The following MLLT3 variants were observed in gnomAD, a reference collection of about 807,000 sequenced individuals.
MLLT3 encodes MLLT3 super elongation complex subunit.
In MLLT3, 4 loss-of-function variants were observed where a neutral mutation model predicts 53.2. The observed-to-expected ratio is 0.08, with a 90% CI of 0.04 to 0.17. The LOEUF (loss-of-function observed/expected upper bound fraction) is 0.17, where lower values mean the gene tolerates loss of function less well. MLLT3 is among the 10% of genes least tolerant of loss of function. The pLI is 1.00. For synonymous variants in MLLT3, 283 were observed against 230.6 expected (o/e 1.23, Z -2.06); for missense variants, 569 against 684.0 (o/e 0.83, Z 1.87).
At chr9:20,476,379 C>A (rs924926330) in intron 2 of MLLT3, among the ~76,000 whole-genome samples, 1 of 152,028 alleles carries the variant, frequency 6.6e-6, no homozygotes, top group Non-Finnish European at 1.5e-5. Flanking sequence ...TCACTTTAAT[C>A]GGGAGTTAAA....
intron 3 of MLLT3, among the ~76,000 whole-genome samples, chr9:20,451,612 C>T (rs1823840661): frequency 6.6e-6 from 1 of 152,152 alleles, no homozygotes; most frequent in African/African-American, 2.4e-5. Flanking sequence ...CAGACATCGA[C>T]ATTATGTCAG....
chr9:20,347,007 C>G (rs1169634991), intron 10 of MLLT3, among the ~76,000 whole-genome samples: 2 of 149,956 alleles, frequency 1.3e-5, no homozygotes, highest in African/African-American at 2.5e-5. Flanking sequence ...CACACACACA[C>G]CCCTATATAA....
intron 2 of MLLT3, among the ~76,000 whole-genome samples, chr9:20,586,161 A>C (rs1182485169): frequency 6.6e-6 from 1 of 152,054 alleles, no homozygotes; most frequent in Non-Finnish European, 1.5e-5. Flanking sequence ...TACAAAAAAA[A>C]TGTTTTAAAT....
rs540431228 is a variant in MLLT3, at chr9:20,600,993, C to T, written c.193+19661G>A. ...GGTCCCTAAGGCATTTCTAGGGTTTCTTTAAATAAAAAAAAAGTGTAGTCA... is the reference window on the plus strand; with the variant it reads ...GGTCCCTAAGGCATTTCTAGGGTTTTTTTAAATAAAAAAAAAGTGTAGTCA... On this transcript the variant is annotated intron_variant, in intron 2 of 10. Coordinates refer to ENST00000380338, the MANE Select transcript of MLLT3 (RefSeq NM_004529.4). Among the ~76,000 whole-genome samples the T allele has an allele frequency of 1.4e-3, 208 of 152,234 alleles. 2 individuals are homozygous for T. The highest frequency in any genetic ancestry group is 4.3e-3 in the African/African-American group (177 of 41,534).
At chr9:20,405,067 C>T (rs1370028174) in intron 5 of MLLT3, among the ~76,000 whole-genome samples, 1 of 152,072 alleles carries the variant, frequency 6.6e-6, no homozygotes, top group Non-Finnish European at 1.5e-5. Flanking sequence ...AGGTTGGAGC[C>T]CTCGTAGTAA....
chr9:20,369,197 T>A (rs1416363415), intron 5 of MLLT3, among the ~76,000 whole-genome samples: 1 of 152,078 alleles, frequency 6.6e-6, no homozygotes, highest in Non-Finnish European at 1.5e-5. Context: ...TCACAGAAAC[T>A]CAACAGAATT....
At chr9:20,375,969 G>C (rs552825554) in intron 5 of MLLT3, among the ~76,000 whole-genome samples, 3 of 152,250 alleles carry the variant, frequency 2.0e-5, no homozygotes, top group Admixed American at 1.3e-4. Flanking sequence ...TAATCCTCTT[G>C]AGACTGGCAT....
intron 2 of MLLT3, among the ~76,000 whole-genome samples, chr9:20,584,929 C>T (rs1339061297): frequency 6.6e-6 from 1 of 152,200 alleles, no homozygotes; most frequent in Non-Finnish European, 1.5e-5. Flanking sequence ...ATCTTGATTG[C>T]TTCAAATTTT....
At chr9:20,618,270 T>C (rs1328591114) in intron 2 of MLLT3, among the ~76,000 whole-genome samples, 1 of 152,366 alleles carries the variant, frequency 6.6e-6, no homozygotes, top group Non-Finnish European at 1.5e-5. Flanking sequence ...TAAAAGGTAC[T>C]GGAAGTAGAC....
intron 4 of MLLT3, among the ~76,000 whole-genome samples, chr9:20,446,477 C>T (rs188035905): frequency 8.5e-5 from 13 of 152,298 alleles, no homozygotes; most frequent in African/African-American, 2.9e-4. Flanking sequence ...CAACCCTCGA[C>T]TTCTCTGGGA....
At chr9:20,442,266 G>T (rs1406765470) in intron 4 of MLLT3, among the ~76,000 whole-genome samples, 1 of 152,070 alleles carries the variant, frequency 6.6e-6, no homozygotes, top group Non-Finnish European at 1.5e-5. Flanking sequence ...ACTATTTGGT[G>T]CAGGCATAGA....
intron 2 of MLLT3, among the ~76,000 whole-genome samples, chr9:20,602,542 C>T (rs536810701): frequency 1.3e-5 from 2 of 152,228 alleles, no homozygotes; most frequent in South Asian, 4.1e-4. Flanking sequence ...CATAGACACA[C>T]AAACACCTAA....
chr9:20,521,867 T>C (rs951179147), intron 2 of MLLT3, among the ~76,000 whole-genome samples: 2 of 152,106 alleles, frequency 1.3e-5, no homozygotes, highest in Non-Finnish European at 2.9e-5. Context: ...ATTTATCCAA[T>C]GCAGCTTAGT....
intron 2 of MLLT3, among the ~76,000 whole-genome samples, chr9:20,581,323 G>A (rs954889945): frequency 6.6e-6 from 1 of 152,066 alleles, no homozygotes; most frequent in Non-Finnish European, 1.5e-5. Context: ...AATTAAAGAG[G>A]TGTTAAACAA....
intron 2 of MLLT3, among the ~76,000 whole-genome samples, chr9:20,514,232 TC>T (rs1817842460): frequency 1.3e-5 from 2 of 152,136 alleles, no homozygotes; most frequent in African/African-American, 4.8e-5. Context: ...AACAGTGGGT[TC>T]AGGAAGAAAA....
At chr9:20,453,508 A>C (rs1823888796) in intron 3 of MLLT3, among the ~76,000 whole-genome samples, 1 of 152,130 alleles carries the variant, frequency 6.6e-6, no homozygotes, top group Non-Finnish European at 1.5e-5. Flanking sequence ...GGCTGCAGTG[A>C]GCTGAGACTG....
At chr9:20,593,584 T>G (rs1238655121) in intron 2 of MLLT3, among the ~76,000 whole-genome samples, 1 of 152,232 alleles carries the variant, frequency 6.6e-6, no homozygotes, top group Non-Finnish European at 1.5e-5. Context: ...TTTCAACAAC[T>G]ATGGTACATC....
chr9:20,362,283 C>A (rs117345256), intron 7 of MLLT3, among the ~76,000 whole-genome samples: 222 of 152,306 alleles, frequency 1.5e-3, no homozygotes, highest in East Asian at 0.013. Flanking sequence ...AACAACTAAT[C>A]ACAGAATATC....
chr9:20,394,176 A>G (rs1461435447), intron 5 of MLLT3, among the ~76,000 whole-genome samples: 1 of 152,128 alleles, frequency 6.6e-6, no homozygotes, highest in Non-Finnish European at 1.5e-5. Context: ...AGGCTGAGAC[A>G]CCAAACACAG....
Sources: gnomAD v4.1 joint callset for allele counts (sites outside exome capture counted in the v4.1 genomes callset) on GRCh38, gnomAD v4.1.1 for gene constraint, MANE v1.5 for transcripts, NCBI Gene and HGNC (gene_info 2026-07-23, HGNC 2026-07-21) for gene names.